The following SCFD2 variants were observed in gnomAD, a reference collection of about 807,000 sequenced individuals.
The protein encoded by SCFD2 is sec1 family domain-containing protein 2.
A neutral mutation model predicts 58.9 loss-of-function variants in SCFD2; 54 were observed. The observed-to-expected ratio is 0.92, with a 90% CI of 0.74 to 1.15. The LOEUF (loss-of-function observed/expected upper bound fraction) is 1.15, where lower values mean the gene tolerates loss of function less well. Ranked by LOEUF, SCFD2 falls within the 50% of genes most tolerant of loss-of-function variation. SCFD2 has a pLI of 0.00. For missense variants in SCFD2, 805 were observed against 836.6 expected (o/e 0.96, Z 0.47); for synonymous variants, 321 against 335.9 (o/e 0.96, Z 0.49).
chr4:53,030,641 C>T (rs541272112), intron 5 of SCFD2, among the ~76,000 whole-genome samples: 9 of 152,234 alleles, frequency 5.9e-5, no homozygotes, highest in East Asian at 1.9e-4. Flanking sequence ...AGGCTGGTCT[C>T]GAACTCCTGA....
chr4:52,987,628 C>T (rs532154140), intron 5 of SCFD2, among the ~76,000 whole-genome samples: 2 of 152,326 alleles, frequency 1.3e-5, no homozygotes, highest in African/African-American at 4.8e-5. Context: ...CCATTATCAT[C>T]AGAGCCTCTT....
In SCFD2 at chr4:52,873,889, G is replaced by T; in HGVS notation, c.*80C>A. 1 of 968,378 alleles carries T rather than the reference G, an allele frequency of 1.0e-6. No individual in the cohort carries two copies. Among genetic ancestry groups the T allele is most frequent in the Non-Finnish European group, 1.7e-6 (1 of 599,952 alleles). The allele number at this position is 968,378 out of a possible 1,614,324, so 60.0% of individuals were successfully genotyped here. On this transcript the variant is annotated 3_prime_UTR_variant, in exon 9 of 9. Coordinates refer to ENST00000401642, the MANE Select transcript of SCFD2 (RefSeq NM_152540.4). The stretch of plus-strand genomic sequence containing the variant: ...GCAATTAGTGACAGGGACGCTGGTT[G>T]TGGAGGAGTATTTGGAGTGGTGGCA...
chr4:52,907,658 T>G (rs1719380026), intron 6 of SCFD2, 67 bp from the exon 7 acceptor site: 2 of 1,510,424 alleles, frequency 1.3e-6, no homozygotes, highest in African/African-American at 2.7e-5. Flanking sequence ...CAGCTTTATC[T>G]GCAATGAAGA....
intron 2 of SCFD2, among the ~76,000 whole-genome samples, chr4:53,332,715 C>G (rs1042926731): frequency 1.3e-5 from 2 of 151,938 alleles, no homozygotes; most frequent in African/African-American, 4.8e-5. Flanking sequence ...TCTCACCACT[C>G]CTATTCAACA....
intron 4 of SCFD2, among the ~76,000 whole-genome samples, chr4:53,258,575 T>TACAC (rs1333861238): frequency 7.4e-6 from 1 of 135,794 alleles, no homozygotes; most frequent in African/African-American, 2.9e-5. Flanking sequence ...TATATATATA[T>TACAC]ATACACACAC....
chr4:53,012,067 C>T (rs1199411477), intron 5 of SCFD2, among the ~76,000 whole-genome samples: 1 of 149,888 alleles, frequency 6.7e-6, no homozygotes, highest in African/African-American at 2.5e-5. Flanking sequence ...CTCCATCCCC[C>T]TACTCCCTGC....
intron 2 of SCFD2, among the ~76,000 whole-genome samples, chr4:53,331,154 G>GT (rs1733447645): frequency 1.3e-5 from 2 of 151,590 alleles, no homozygotes; most frequent in African/African-American, 2.4e-5. Context: ...ATGGGAGACT[G>GT]TAACACCCCA....
At chr4:53,300,092 A>G (rs6846755) in intron 3 of SCFD2, among the ~76,000 whole-genome samples, 148,574 of 152,158 alleles carry the variant, frequency 0.98, 72,646 homozygotes, top group Middle Eastern at 1. Flanking sequence ...AAATTCACAC[A>G]TAACAATACT....
chr4:53,084,064 G>A (rs1002057535), intron 5 of SCFD2, among the ~76,000 whole-genome samples: 4 of 152,074 alleles, frequency 2.6e-5, no homozygotes, highest in African/African-American at 9.7e-5. Context: ...GGGTTCAACA[G>A]CAGAGAACAG....
At chr4:53,330,330 C>A (rs3986367) in intron 2 of SCFD2, among the ~76,000 whole-genome samples, 108,839 of 150,830 alleles carry the variant, frequency 0.72, 39,509 homozygotes, top group Middle Eastern at 0.8. Context: ...AAAAAATGTT[C>A]AGGGCAGCCA....
At chr4:53,109,662 C>T (rs894587812) in intron 5 of SCFD2, among the ~76,000 whole-genome samples, 3 of 151,860 alleles carry the variant, frequency 2.0e-5, no homozygotes, top group South Asian at 4.1e-4. Flanking sequence ...CAACTCACAA[C>T]GAATGTGAAG....
chr4:53,211,138 A>G (rs2412400), intron 4 of SCFD2, among the ~76,000 whole-genome samples: 105,151 of 151,744 alleles, frequency 0.69, 36,751 homozygotes, highest in Middle Eastern at 0.78. Context: ...AGCTACTCTG[A>G]AGCCTGAGGC....
intron 5 of SCFD2, among the ~76,000 whole-genome samples, chr4:52,997,780 T>C (rs2148798595): frequency 6.6e-6 from 1 of 152,286 alleles, no homozygotes; most frequent in East Asian, 1.9e-4. Flanking sequence ...ACCCCAACTA[T>C]TTGATGAGGA....
intron 5 of SCFD2, among the ~76,000 whole-genome samples, chr4:53,055,859 C>G (rs1723322874): frequency 6.6e-6 from 1 of 152,024 alleles, no homozygotes; most frequent in Non-Finnish European, 1.5e-5. Flanking sequence ...TGCTCAGACT[C>G]TCTCCTGACT....
chr4:53,308,874 T>C (rs918339947), intron 3 of SCFD2, among the ~76,000 whole-genome samples: 1 of 152,164 alleles, frequency 6.6e-6, no homozygotes, highest in Non-Finnish European at 1.5e-5. Context: ...CTCACGCCTG[T>C]AATCCCAACA....
At chr4:53,282,425 CTATTT>C (rs1489080742) in intron 3 of SCFD2, among the ~76,000 whole-genome samples, 4 of 151,962 alleles carry the variant, frequency 2.6e-5, no homozygotes, top group African/African-American at 9.7e-5. Flanking sequence ...AAGTTTTTGG[CTATTT>C]TATTTTCATA....
At chr4:52,874,163 G>T in intron 8 of SCFD2, 102 bp from the exon 9 acceptor site, 1 of 812,762 alleles carries the variant, frequency 1.2e-6, no homozygotes, top group Non-Finnish European at 2.1e-6. Flanking sequence ...TTTGGGGGAG[G>T]GCATGAAGTG....
chr4:53,239,011 T>G (rs11724775), intron 4 of SCFD2, among the ~76,000 whole-genome samples: 6 of 148,658 alleles, frequency 4.0e-5, no homozygotes, highest in South Asian at 2.2e-4. Context: ...AAGGCAGGCG[T>G]CTGGGAGGTG....
intron 5 of SCFD2, chr4:52,956,918 G>A (rs1720725367): frequency 6.6e-6 from 1 of 152,540 alleles, no homozygotes; most frequent in African/African-American, 2.4e-5. Context: ...AAGAAACAGG[G>A]ATGAGACAGC....
Sources: allele counts gnomAD v4.1 joint callset (sites outside exome capture counted in the v4.1 genomes callset), GRCh38; gene constraint gnomAD v4.1.1; transcripts MANE v1.5; gene names NCBI Gene and HGNC (gene_info 2026-07-23, HGNC 2026-07-21).